The following KIF26B variants were observed in gnomAD, a reference collection of about 807,000 sequenced individuals.
KIF26B encodes kinesin-like protein KIF26B.
A neutral mutation model predicts 151.2 loss-of-function variants in KIF26B; 63 were observed. That is an observed-to-expected ratio of 0.42 (90% confidence interval 0.34 to 0.51). The LOEUF (loss-of-function observed/expected upper bound fraction) is 0.51. Ranked by LOEUF, KIF26B falls within the 20% of genes least tolerant of loss-of-function variation. The pLI, the probability that KIF26B is intolerant of heterozygous loss-of-function variation, is 0.07. For missense variants in KIF26B, 2,813 were observed against 2,913.6 expected (o/e 0.97, Z 0.79); for synonymous variants, 1,357 against 1,262.1 (o/e 1.08, Z -1.59).
intron 2 of KIF26B, among the ~76,000 whole-genome samples, chr1:245,273,505 T>C (rs1240793046): frequency 1.3e-5 from 2 of 152,198 alleles, no homozygotes; most frequent in Non-Finnish European, 2.9e-5. Flanking sequence ...CCTATTTCTC[T>C]TTTCAATTCT....
intron 10 of KIF26B, among the ~76,000 whole-genome samples, chr1:245,679,538 G>A (rs547259393): frequency 2.2e-5 from 3 of 136,488 alleles, no homozygotes; most frequent in South Asian, 4.7e-4. Context: ...GCGCAATCTC[G>A]GCTCACTGCA....
At chr1:245,356,373 T>C (rs1008956967) in intron 2 of KIF26B, among the ~76,000 whole-genome samples, 14 of 152,002 alleles carry the variant, frequency 9.2e-5, no homozygotes, top group Non-Finnish European at 1.8e-4. Flanking sequence ...CTGGCCAACA[T>C]GGTGAAACTC....
chr1:245,257,428 G>A (rs1275446189), intron 2 of KIF26B, among the ~76,000 whole-genome samples: 2 of 152,144 alleles, frequency 1.3e-5, no homozygotes, highest in Non-Finnish European at 2.9e-5. Context: ...TGTTTACATG[G>A]GATTGACAGA....
At chr1:245,229,261 C>T (rs1028800123) in intron 2 of KIF26B, among the ~76,000 whole-genome samples, 4 of 152,144 alleles carry the variant, frequency 2.6e-5, no homozygotes, top group African/African-American at 7.2e-5. Flanking sequence ...CGTGAGCCAC[C>T]GCCCCCTGCC....
chr1:245,346,216 A>G (rs1043504025), intron 2 of KIF26B, among the ~76,000 whole-genome samples: 1 of 151,950 alleles, frequency 6.6e-6, no homozygotes, highest in African/African-American at 2.4e-5. Flanking sequence ...GTGCTGGGAT[A>G]ACAGGCGTGA....
chr1:245,525,296 T>C lies in KIF26B; in HGVS notation c.1167-15471T>C, dbSNP rs1180078982. 2.0e-5 allele frequency among the ~76,000 whole-genome samples: 3 copies of C among 152,240 alleles called. No individual in the cohort carries two copies. The East Asian group carries it at 5.8e-4, about 29-fold the overall frequency. On this transcript the variant is annotated intron_variant, in intron 4 of 14. Transcript: ENST00000407071. Reference sequence around the variant, plus strand: ...CTCACGTAGGAAGTGAAGAATCTTATATATTTCTAAGCCATTTCTTGGCAG... The same window carrying C: ...CTCACGTAGGAAGTGAAGAATCTTACATATTTCTAAGCCATTTCTTGGCAG...
chr1:245,181,337 G>C (rs761600202), intron 2 of KIF26B, among the ~76,000 whole-genome samples: 1 of 152,060 alleles, frequency 6.6e-6, no homozygotes, highest in African/African-American at 2.4e-5. Flanking sequence ...GGCAGCCTTG[G>C]TGTAGAGGAT....
chr1:245,454,458 A>G (rs1659467990), intron 4 of KIF26B, among the ~76,000 whole-genome samples: 1 of 152,254 alleles, frequency 6.6e-6, no homozygotes, highest in African/African-American at 2.4e-5. Context: ...TGTGAATGGG[A>G]AAGAAAAAAA....
chr1:245,225,069 C>T (rs922566234), intron 2 of KIF26B, among the ~76,000 whole-genome samples: 3 of 152,186 alleles, frequency 2.0e-5, no homozygotes, highest in Non-Finnish European at 1.5e-5. Flanking sequence ...TACACTTCTA[C>T]CACAATGTCT....
rs10623314 is a variant in KIF26B, at chr1:245,244,756, T to A, written c.465+88073T>A. Among the ~76,000 whole-genome samples, 11 of 144,456 alleles carry A rather than the reference T, an allele frequency of 7.6e-5. No homozygotes were observed. In the South Asian group the frequency reaches 9.2e-4, roughly 12 times the overall value. 94.8% of individuals were successfully genotyped at this position (144,456 alleles called of 152,430 possible). Reference sequence around the variant, plus strand: ...AGAAGGAACACACAGACACGCACACTCACACACACACACACACACACACAC... The same window carrying A: ...AGAAGGAACACACAGACACGCACACACACACACACACACACACACACACAC... On this transcript the variant is annotated intron_variant, in intron 2 of 14. Coordinates refer to ENST00000407071, the MANE Select transcript of KIF26B (RefSeq NM_018012.4). The surrounding 1 kb of genome is among the most constrained non-coding windows in gnomAD (Gnocchi z 4.2).
chr1:245,383,855 C>T (rs1673474126), intron 3 of KIF26B, among the ~76,000 whole-genome samples: 1 of 152,174 alleles, frequency 6.6e-6, no homozygotes, highest in Non-Finnish European at 1.5e-5. Flanking sequence ...AAAAGGGCTG[C>T]CCATCTGCTC....
chr1:245,163,552 C>T (rs1255213502), intron 2 of KIF26B, among the ~76,000 whole-genome samples: 1 of 152,002 alleles, frequency 6.6e-6, no homozygotes, highest in African/African-American at 2.4e-5. Context: ...TGCCTAACTC[C>T]AATTTTTTTT....
intron 4 of KIF26B, among the ~76,000 whole-genome samples, chr1:245,439,299 A>G (rs1385786157): frequency 6.7e-6 from 1 of 149,298 alleles, no homozygotes; most frequent in Non-Finnish European, 1.5e-5. Flanking sequence ...GTGAGCCATG[A>G]TTGTACCACT....
intron 4 of KIF26B, among the ~76,000 whole-genome samples, chr1:245,532,284 C>T (rs1239979340): frequency 3.1e-5 from 4 of 128,570 alleles, no homozygotes; most frequent in East Asian, 2.1e-4. Flanking sequence ...CTTGCTCTGT[C>T]GCCCAGGCTG....
At chr1:245,380,955 G>GAAAAAAAAAAA (rs35477111) in intron 3 of KIF26B, among the ~76,000 whole-genome samples, 1 of 77,932 alleles carries the variant, frequency 1.3e-5, no homozygotes, top group Non-Finnish European at 2.9e-5. Context: ...CCAAAAAGAT[G>GAAAAAAAAAAA]AAAAAAAAAA....
chr1:245,568,972 C>T (rs2043037648), intron 5 of KIF26B, among the ~76,000 whole-genome samples: 1 of 152,118 alleles, frequency 6.6e-6, no homozygotes, highest in Non-Finnish European at 1.5e-5. Flanking sequence ...ACAACTATTT[C>T]CAGGTTTAAG....
intron 4 of KIF26B, among the ~76,000 whole-genome samples, chr1:245,462,535 T>C (rs572464124): frequency 8.3e-4 from 127 of 152,320 alleles, no homozygotes; most frequent in African/African-American, 2.6e-3. Context: ...GTGACTGTCC[T>C]GGGAGGAAGT....
chr1:245,619,927 AAAAAT>A (rs2043640353), intron 9 of KIF26B, among the ~76,000 whole-genome samples: 1 of 151,868 alleles, frequency 6.6e-6, no homozygotes, highest in African/African-American at 2.4e-5. Flanking sequence ...ACAAAAAATG[AAAAAT>A]AAAATAAAAA....
At position 245,704,766 on chromosome 1, in the gene KIF26B, GTAA is replaced by G. The variant is rs1404877192; in HGVS notation, c.*2163_*2165del. 6.6e-6 allele frequency: 1 copy of G among 152,270 alleles called. No homozygotes were observed. The highest frequency in any genetic ancestry group is 2.4e-5 in the African/African-American group (1 of 41,460). The allele number at this position is 152,270 out of a possible 1,614,324, so 9.4% of individuals were successfully genotyped here. A position where few individuals can be genotyped will look rare whatever the true frequency, so the allele number is the denominator to read the frequency against. On this transcript the variant is annotated 3_prime_UTR_variant, in exon 15 of 15. Transcript: ENST00000407071. ...CTTGTGTAAGTGGGCTTGCTTAACA[GTAA>G]TATCCTTGGAGGCTTCTGGACCCAA...
Sources: gnomAD v4.1 joint callset for allele counts (sites outside exome capture counted in the v4.1 genomes callset) on GRCh38, gnomAD v4.1.1 for gene constraint, Gnocchi (gnomAD v3.1) non-coding constraint, MANE v1.5 for transcripts, NCBI Gene and HGNC (gene_info 2026-07-23, HGNC 2026-07-21) for gene names.